The following CACNA2D3 variants were observed in gnomAD, a reference collection of about 807,000 sequenced individuals.
CACNA2D3 encodes the protein voltage-dependent calcium channel subunit alpha-2/delta-3.
In CACNA2D3, 60 loss-of-function variants were observed where a neutral mutation model predicts 160.6. That is an observed-to-expected ratio of 0.37 (90% CI 0.30 to 0.46). The LOEUF (loss-of-function observed/expected upper bound fraction) is 0.46. Among genes scored for constraint, CACNA2D3 ranks in the 20% least tolerant of loss-of-function variants. The pLI is 1.00. For missense variants in CACNA2D3, 1,205 were observed against 1,365.0 expected, an observed-to-expected ratio of 0.88 and a Z score of 1.85; for synonymous variants, 558 against 492.9, an observed-to-expected ratio of 1.13 and a Z score of -1.75.
At chr3:54,315,491 A>C (rs1401725040) in intron 2 of CACNA2D3, among the ~76,000 whole-genome samples, 1 of 152,226 alleles carries the variant, frequency 6.6e-6, no homozygotes, top group Non-Finnish European at 1.5e-5. Flanking sequence ...TGGTAGTAAA[A>C]TGGGTCCTCT....
intron 2 of CACNA2D3, among the ~76,000 whole-genome samples, chr3:54,132,160 C>T (rs190066337): frequency 5.8e-4 from 88 of 152,294 alleles, no homozygotes; most frequent in African/African-American, 1.7e-3. Context: ...GGCTTTTGCC[C>T]CACTGACATA....
At chr3:54,705,300 T>C (rs1700838758) in intron 11 of CACNA2D3, among the ~76,000 whole-genome samples, 1 of 152,180 alleles carries the variant, frequency 6.6e-6, no homozygotes, top group Non-Finnish European at 1.5e-5. Context: ...TGCTGCCAAA[T>C]TATATTGTTT....
At chr3:54,595,158 C>T (rs73064502) in intron 9 of CACNA2D3, among the ~76,000 whole-genome samples, 14,338 of 152,170 alleles carry the variant, frequency 0.094, 894 homozygotes, top group Middle Eastern at 0.18. Flanking sequence ...GTAGAAAGGG[C>T]ACAACTGTTT....
chr3:54,943,796 C>T (rs1476537299), intron 27 of CACNA2D3, among the ~76,000 whole-genome samples: 2 of 152,120 alleles, frequency 1.3e-5, no homozygotes, highest in South Asian at 2.1e-4. Context: ...TCTAGGTTTG[C>T]TGGGCATGCA....
chr3:54,955,105 AC>A (rs1701850430), intron 27 of CACNA2D3, among the ~76,000 whole-genome samples: 1 of 152,202 alleles, frequency 6.6e-6, no homozygotes, highest in Non-Finnish European at 1.5e-5. Context: ...ATTCGAACGT[AC>A]GTAACATGGG....
chr3:55,038,907 T>TATATATATATATACACAC (rs1553636480), intron 35 of CACNA2D3, among the ~76,000 whole-genome samples: 1 of 113,068 alleles, frequency 8.8e-6, no homozygotes, highest in African/African-American at 3.2e-5. Flanking sequence ...TATATATATA[T>TATATATATATATACACAC]ACACACACTG....
intron 34 of CACNA2D3, among the ~76,000 whole-genome samples, chr3:55,014,179 C>G (rs987098490): frequency 6.6e-6 from 1 of 152,178 alleles, no homozygotes; most frequent in African/African-American, 2.4e-5. Context: ...TCTGCCCATG[C>G]TAAGGGCCTG....
At chr3:54,453,126 G>A (rs1005807434) in intron 4 of CACNA2D3, among the ~76,000 whole-genome samples, 2 of 151,846 alleles carry the variant, frequency 1.3e-5, no homozygotes, top group African/African-American at 4.8e-5. Context: ...CAAGCTGCTG[G>A]GACCATAAGT....
chr3:54,273,498 C>T (rs958024952), intron 2 of CACNA2D3, among the ~76,000 whole-genome samples: 8 of 152,148 alleles, frequency 5.3e-5, no homozygotes, highest in African/African-American at 1.4e-4. Context: ...CTGTTCCTTG[C>T]GTTCTGGCTC....
intron 4 of CACNA2D3, among the ~76,000 whole-genome samples, chr3:54,457,245 T>G (rs1196597076): frequency 2.0e-5 from 3 of 152,060 alleles, no homozygotes; most frequent in Admixed American, 2.0e-4. Context: ...CTATAGGTTT[T>G]GGTATGTTGT....
chr3:55,018,251 C>T lies in CACNA2D3; in HGVS notation c.2921C>T (p.Pro974Leu), dbSNP rs769067783. The change falls in exon 35 of 38, where the codon CCA becomes CTA. Residue 974 changes from proline to leucine, a missense_variant. Transcript: ENST00000474759. ...QTLEPCDTEY[P>L]AFVSERTIKE... ...CTGGAGCCTTGTGATACTGAATATCCAGCATTCGTCTCTGAGCGCACCATC... is the reference window on the plus strand; with the variant it reads ...CTGGAGCCTTGTGATACTGAATATCTAGCATTCGTCTCTGAGCGCACCATC... The T allele has an allele frequency of 2.5e-6, 4 of 1,613,312 alleles. No individual in the cohort carries two copies. The South Asian group carries it at 3.3e-5, about 13-fold the overall frequency.
At chr3:54,602,792 G>C (rs562972134) in intron 9 of CACNA2D3, among the ~76,000 whole-genome samples, 27 of 152,260 alleles carry the variant, frequency 1.8e-4, no homozygotes, top group African/African-American at 6.3e-4. Flanking sequence ...GCCTGTCTTT[G>C]TTATTTTTTA....
At chr3:54,883,823 C>CTCTCTCTCTCTCTCT (rs60132112) in intron 21 of CACNA2D3, among the ~76,000 whole-genome samples, 193 of 88,816 alleles carry the variant, frequency 2.2e-3, no homozygotes, top group South Asian at 7.4e-3. Context: ...CTCTCTCTCT[C>CTCTCTCTCTCTCTCT]CTCTCTCTCC....
chr3:54,895,679 T>A (rs114026302), intron 25 of CACNA2D3, among the ~76,000 whole-genome samples: 2,507 of 152,326 alleles, frequency 0.016, 37 homozygotes, highest in Middle Eastern at 0.031. Flanking sequence ...TTTCCCTACC[T>A]ATATGTTGTC....
At chr3:55,030,366 A>G (rs748165366) in intron 35 of CACNA2D3, among the ~76,000 whole-genome samples, 8 of 152,176 alleles carry the variant, frequency 5.3e-5, no homozygotes, top group Non-Finnish European at 1.0e-4. Flanking sequence ...TATAATGTTG[A>G]GGCTGTGCTA....
At chr3:54,760,145 G>A (rs1266794118) in intron 12 of CACNA2D3, among the ~76,000 whole-genome samples, 4 of 152,192 alleles carry the variant, frequency 2.6e-5, no homozygotes, top group Non-Finnish European at 5.9e-5. Context: ...CAATAAGCAA[G>A]TGAGAATCCA....
At chr3:54,360,944 C>T (rs944582147) in intron 3 of CACNA2D3, among the ~76,000 whole-genome samples, 2 of 151,624 alleles carry the variant, frequency 1.3e-5, no homozygotes, top group South Asian at 2.1e-4. Context: ...GAAAATGTAG[C>T]GTTTCAATGG....
intron 2 of CACNA2D3, among the ~76,000 whole-genome samples, chr3:54,286,667 G>A (rs904676933): frequency 4.6e-5 from 7 of 152,146 alleles, no homozygotes; most frequent in African/African-American, 1.7e-4. Flanking sequence ...AAATGTTAAG[G>A]GCAGCCAGAG....
At chr3:54,267,823 T>C (rs1356737585) in intron 2 of CACNA2D3, among the ~76,000 whole-genome samples, 1 of 152,220 alleles carries the variant, frequency 6.6e-6, no homozygotes, top group African/African-American at 2.4e-5. Flanking sequence ...TGCTGAGTTA[T>C]TTTTTCCATC....
Sources: gnomAD v4.1 joint callset for allele counts (sites outside exome capture counted in the v4.1 genomes callset) on GRCh38, gnomAD v4.1.1 for gene constraint, MANE v1.5 for transcripts, NCBI Gene and HGNC (gene_info 2026-07-23, HGNC 2026-07-21) for gene names.